Variants in AK5 observed in about 807,000 individuals in gnomAD.
AK5 encodes adenylate kinase isoenzyme 5.
In AK5, 27 loss-of-function variants were observed where a neutral mutation model predicts 69.5. That is an observed-to-expected ratio of 0.39 (90% CI 0.29 to 0.54). AK5 has a LOEUF of 0.54. Among genes scored for constraint, AK5 ranks in the 20% least tolerant of loss-of-function variants. The pLI is 0.71. For synonymous variants in AK5, 260 were observed against 244.4 expected (o/e 1.06, Z -0.60); for missense variants, 531 against 700.4 (o/e 0.76, Z 2.73).
chr1:77,284,401 T>C (rs1308629160), intron 1 of AK5, among the ~76,000 whole-genome samples: 3 of 152,214 alleles, frequency 2.0e-5, no homozygotes, highest in African/African-American at 7.2e-5. Context: ...CAGCTGTGGA[T>C]TTTAGACGCT....
chr1:77,312,266 G>A (rs559322270), intron 5 of AK5, among the ~76,000 whole-genome samples: 26 of 152,182 alleles, frequency 1.7e-4, no homozygotes, highest in African/African-American at 6.0e-4. Context: ...TTGTATAGTC[G>A]CTGTGCCCTT....
chr1:77,417,832 A>T (rs1055767127), intron 8 of AK5, 117 bp downstream of exon 8: 1 of 626,326 alleles, frequency 1.6e-6, no homozygotes, highest in South Asian at 2.0e-5. Context: ...ACAGATAACT[A>T]ATAACATATT....
intron 8 of AK5, among the ~76,000 whole-genome samples, chr1:77,457,389 G>A (rs1394539704): frequency 2.0e-5 from 3 of 152,026 alleles, no homozygotes; most frequent in Non-Finnish European, 2.9e-5. Flanking sequence ...TGGATATAAG[G>A]CTTTCAGAAT....
Position 77,282,346 on chromosome 1 carries a change from C to T in AK5, c.33C>T (p.Ala11=), listed in dbSNP as rs1400315080. 6 of 1,560,526 alleles carry T rather than the reference C, an allele frequency of 3.8e-6. No homozygotes were observed. In the South Asian group the frequency reaches 7.2e-5, roughly 19 times the overall value. Residue 11 remains alanine, a synonymous_variant, in exon 1 of 14, where the codon GCC becomes GCT. Transcript: ENST00000354567. MNTNDAKEYL[A]RREIPQLFES... is the part of the protein sequence containing the mutation. The stretch of plus-strand genomic sequence containing the variant: ...CCAACGATGCCAAGGAGTATCTGGC[C>T]CGGAGGGAAATCCCTCAGCTTTTTG...
At chr1:77,545,056 G>A (rs7550626) in intron 13 of AK5, among the ~76,000 whole-genome samples, 3,963 of 152,238 alleles carry the variant, frequency 0.026, 117 homozygotes, top group South Asian at 0.11. Context: ...TTATGAGACT[G>A]CCATTGTATA....
intron 5 of AK5, among the ~76,000 whole-genome samples, chr1:77,313,585 C>T (rs935077051): frequency 6.6e-6 from 1 of 152,026 alleles, no homozygotes; most frequent in African/African-American, 2.4e-5. Flanking sequence ...CCCTCCCTAG[C>T]CCGGCCCTCT....
chr1:77,478,985 T>C (rs746834318), intron 8 of AK5, among the ~76,000 whole-genome samples: 3 of 151,970 alleles, frequency 2.0e-5, no homozygotes, highest in Non-Finnish European at 4.4e-5. Context: ...TGTGGGTTCC[T>C]TTTGCCCTCC....
At chr1:77,354,368 T>G (rs1298020952) in intron 6 of AK5, among the ~76,000 whole-genome samples, 2 of 152,204 alleles carry the variant, frequency 1.3e-5, no homozygotes, top group Non-Finnish European at 2.9e-5. Context: ...TGTTGATTTT[T>G]GGCTTTAAGA....
chr1:77,459,312 C>T (rs907111846), intron 8 of AK5, among the ~76,000 whole-genome samples: 10 of 152,130 alleles, frequency 6.6e-5, no homozygotes, highest in African/African-American at 2.4e-4. Flanking sequence ...CCCTTGCTCA[C>T]CTCTCCAGCC....
At position 77,293,749 on chromosome 1, in the gene AK5, T is replaced by C. The variant is rs373704879; in HGVS notation, c.248-44T>C. 2.0e-5 allele frequency: 30 copies of C among 1,513,424 alleles called. No homozygotes were observed. The African/African-American group carries it at 3.7e-4, about 18-fold the overall frequency. 93.7% of individuals were successfully genotyped at this position (1,513,424 alleles called of 1,614,324 possible). A position where few individuals can be genotyped will look rare whatever the true frequency, so the allele number is the denominator to read the frequency against. The stretch of plus-strand genomic sequence containing the variant: ...CTGTTTAAGTGTGAAGAGTGTTTTA[T>C]TATGGTGTTTTTTCCTTTTCAAAGT... On this transcript the variant is annotated intron_variant, in intron 2 of 13. Transcript: ENST00000354567.
intron 8 of AK5, among the ~76,000 whole-genome samples, chr1:77,452,226 T>C (rs1653201497): frequency 6.6e-6 from 1 of 152,260 alleles, no homozygotes. Flanking sequence ...ATGAGCTATG[T>C]TGTTCTATAT....
intron 8 of AK5, among the ~76,000 whole-genome samples, chr1:77,422,949 C>CT (rs1650917766): frequency 6.6e-6 from 1 of 152,128 alleles, no homozygotes; most frequent in African/African-American, 2.4e-5. Context: ...GGTGCGGTGG[C>CT]TCACGCCTGT....
intron 6 of AK5, among the ~76,000 whole-genome samples, chr1:77,391,495 G>GTGTGTATATATATATATATATATATATA (rs1425180466): frequency 6.3e-5 from 4 of 63,388 alleles, no homozygotes; most frequent in Non-Finnish European, 9.7e-5. Flanking sequence ...GTGTGTGTGT[G>GTGTGTATATATATATATATATATATATA]TATATATATA....
intron 6 of AK5, among the ~76,000 whole-genome samples, chr1:77,355,578 C>G (rs188385440): frequency 1.3e-5 from 2 of 152,276 alleles, no homozygotes; most frequent in East Asian, 3.9e-4. Flanking sequence ...TGGGAAGCCA[C>G]CCTGATGGGG....
At chr1:77,425,691 T>A (rs970640014) in intron 8 of AK5, among the ~76,000 whole-genome samples, 4 of 152,078 alleles carry the variant, frequency 2.6e-5, no homozygotes, top group African/African-American at 2.4e-5. Context: ...AATAAAGAAA[T>A]TTTTCTTATT....
intron 5 of AK5, among the ~76,000 whole-genome samples, chr1:77,325,892 GAAAT>G (rs1217798174): frequency 6.6e-6 from 1 of 151,928 alleles, no homozygotes; most frequent in Non-Finnish European, 1.5e-5. Context: ...AAAAGAAAAA[GAAAT>G]GAATGAAGAA....
chr1:77,332,303 C>T (rs1168378379), intron 5 of AK5, among the ~76,000 whole-genome samples: 2 of 151,664 alleles, frequency 1.3e-5, no homozygotes, highest in African/African-American at 2.4e-5. Context: ...AAAAACCAAC[C>T]CCTTAGCTAT....
At chr1:77,527,500 C>G (rs1658354838) in intron 12 of AK5, among the ~76,000 whole-genome samples, 1 of 152,218 alleles carries the variant, frequency 6.6e-6, no homozygotes, top group Non-Finnish European at 1.5e-5. Context: ...AACATGGTGA[C>G]TGGACAGTTA....
chr1:77,421,599 C>G (rs1650817826), intron 8 of AK5, among the ~76,000 whole-genome samples: 1 of 152,178 alleles, frequency 6.6e-6, no homozygotes, highest in African/African-American at 2.4e-5. Context: ...GTCACTGGCT[C>G]TACCTAGATG....
Sources: allele counts gnomAD v4.1 joint callset (sites outside exome capture counted in the v4.1 genomes callset), GRCh38; gene constraint gnomAD v4.1.1; transcripts MANE v1.5; gene names NCBI Gene and HGNC (gene_info 2026-07-23, HGNC 2026-07-21).